Variants in ACSM2A observed in about 807,000 individuals in gnomAD.
ACSM2A encodes the protein acyl-coenzyme A synthetase ACSM2A, mitochondrial.
In ACSM2A, 72 loss-of-function variants were observed where a neutral mutation model predicts 76.6. The ratio of observed to expected loss-of-function variants is 0.94; its 90% CI spans 0.78 to 1.14. The LOEUF (loss-of-function observed/expected upper bound fraction) is 1.14. ACSM2A is among the 50% of genes most tolerant of loss of function. The pLI, the probability that ACSM2A is intolerant of heterozygous loss-of-function variation, is 0.00. For missense variants in ACSM2A, 684 were observed against 708.5 expected, an observed-to-expected ratio of 0.97 and a Z score of 0.39; for synonymous variants, 249 against 255.9, an observed-to-expected ratio of 0.97 and a Z score of 0.26.
rs763530400 is a variant in ACSM2A at position 20,475,767 on chromosome 16, A to G, written c.1092A>G (p.Thr364=). 49 of 1,613,976 alleles carry G rather than the reference A, an allele frequency of 3.0e-5. No individual in the cohort carries two copies. The highest frequency in any genetic ancestry group is 2.7e-4 in the South Asian group (25 of 91,066). Reference sequence around the variant, plus strand: ...ACATCCGAGAATCCTATGGCCAGACAGAAACGGTACCTGTTCCCAGGGGAA... The same window carrying G: ...ACATCCGAGAATCCTATGGCCAGACGGAAACGGTACCTGTTCCCAGGGGAA... The part of the protein sequence containing the change: ...GLDIRESYGQ[T]ETGLTCMVSK... Residue 364 remains threonine, a synonymous_variant, in exon 8 of 14, where the codon ACA becomes ACG. Transcript: ENST00000573854.
rs2013712006 is a variant in ACSM2A at position 20,475,892 on chromosome 16, G to T, written c.1098+119G>T. On this transcript the variant is annotated intron_variant, in intron 8 of 13. Transcript: ENST00000573854. The stretch of plus-strand genomic sequence containing the variant: ...CATCTATTCGAGAAGTATTTATTGA[G>T]CCTCTATGAAGGGACAGGTACTGAG... 62 of 1,541,182 alleles carry T rather than the reference G, an allele frequency of 4.0e-5. No homozygotes were observed. The South Asian group carries it at 7.4e-4, about 18-fold the overall frequency.
At chr16:20,467,495 G>A (rs1311608789) in intron 3 of ACSM2A, among the ~76,000 whole-genome samples, 1 of 152,180 alleles carries the variant, frequency 6.6e-6, no homozygotes, top group Non-Finnish European at 1.5e-5. Context: ...GAGGTGAAGC[G>A]ATGGTGATGG....
intron 3 of ACSM2A, 50 bp downstream of exon 3, chr16:20,465,777 C>T (rs766507974): frequency 6.3e-7 from 1 of 1,589,488 alleles, no homozygotes; most frequent in South Asian, 1.1e-5. Context: ...GTGAAGAAAA[C>T]TGATAGCAGA....
At chr16:20,473,755 T>C (rs1505101) in intron 6 of ACSM2A, among the ~76,000 whole-genome samples, 57,263 of 151,720 alleles carry the variant, frequency 0.38, 12,162 homozygotes, top group East Asian at 0.79. Context: ...CAGGCCATGA[T>C]AGGAAGTGGG....
chr16:20,457,316 A>C (rs1205663326), intron 1 of ACSM2A, among the ~76,000 whole-genome samples: 4 of 152,108 alleles, frequency 2.6e-5, no homozygotes, highest in Non-Finnish European at 5.9e-5. Context: ...TCATTCTATG[A>C]AGCCAGTATT....
At chr16:20,469,872 ATTTTTTTTTTTT>A (rs35674523) in intron 4 of ACSM2A, among the ~76,000 whole-genome samples, 153 bp downstream of exon 4, 2 of 67,746 alleles carry the variant, frequency 3.0e-5, no homozygotes, top group Non-Finnish European at 5.4e-5. Context: ...ACACAAGGGT[ATTTTTTTTTTTT>A]TTTTTTTTTT....
Position 20,468,237 on chromosome 16 carries a change from T to G in ACSM2A, c.389-1275T>G, listed in dbSNP as rs144420743. 2.7e-3 allele frequency among the ~76,000 whole-genome samples: 409 copies of G among 152,278 alleles called. 1 individual carries two copies. Among genetic ancestry groups the G allele is most frequent in the Non-Finnish European group, 4.2e-3 (286 of 68,024 alleles). ...AGAAACATTTGAGGATATTTACAGG[T>G]ATGCAGTGAGAATCCCAAAGTGTTG... On this transcript the variant is annotated intron_variant, in intron 3 of 13. Coordinates refer to ENST00000573854, the MANE Select transcript of ACSM2A (RefSeq NM_001308172.2).
Position 20,483,182 on chromosome 16 carries a change from G to A in ACSM2A, c.1629+5G>A. On this transcript the variant is annotated splice_donor_5th_base_variant and intron_variant, in intron 13 of 13. Coordinates refer to ENST00000573854, the MANE Select transcript of ACSM2A (RefSeq NM_001308172.2). ...CCATACAAGTACCCAAGAAAGGTAA[G>A]GCCTTTGAGCTCCCAAGTCACTCAA... 6.2e-7 allele frequency: 1 copy of A among 1,613,560 alleles called. No homozygotes were observed. The highest frequency in any genetic ancestry group is 8.5e-7 in the Non-Finnish European group (1 of 1,179,670).
intron 6 of ACSM2A, among the ~76,000 whole-genome samples, 197 bp downstream of exon 6, chr16:20,471,886 A>G (rs1160713643): frequency 3.3e-5 from 5 of 152,166 alleles, no homozygotes; most frequent in African/African-American, 9.7e-5. Flanking sequence ...AGGCACATAT[A>G]TAGATAAAAG....
intron 2 of ACSM2A, among the ~76,000 whole-genome samples, chr16:20,461,703 C>T (rs551159543): frequency 1.2e-4 from 18 of 152,130 alleles, no homozygotes; most frequent in Non-Finnish European, 2.2e-4. Context: ...ATAAAAATTT[C>T]TCACCCTCCC....
intron 2 of ACSM2A, 91 bp from the exon 3 acceptor site, chr16:20,465,426 A>G: frequency 2.0e-6 from 3 of 1,512,256 alleles, no homozygotes; most frequent in Non-Finnish European, 2.7e-6. Context: ...AAACCTTACT[A>G]AGCACCAACT....
Position 20,486,595 on chromosome 16 carries a change from C to A in ACSM2A, c.1651C>A (p.Pro551Thr). ...ACAGATAGAGTTTGTCTTGAACCTG[C>A]CCAAGACTGTCACAGGGAAAATTCA... ...PRKIEFVLNL[P>T]KTVTGKIQRA... The change falls in exon 14 of 14, where the codon CCC (proline) becomes ACC (threonine). Residue 551 changes from proline to threonine, a missense_variant. Transcript: ENST00000573854. The A allele has an allele frequency of 6.2e-7, 1 of 1,614,118 alleles. No homozygotes were observed. The highest frequency in any genetic ancestry group is 8.5e-7 in the Non-Finnish European group (1 of 1,180,002).
intron 4 of ACSM2A, among the ~76,000 whole-genome samples, chr16:20,470,296 G>A (rs1338734212): frequency 2.6e-5 from 4 of 152,244 alleles, no homozygotes; most frequent in Middle Eastern, 3.4e-3. Flanking sequence ...CCAAGTTTCT[G>A]GGCTCTTCTT....
chr16:20,466,634 G>T (rs2013015889), intron 3 of ACSM2A, among the ~76,000 whole-genome samples: 1 of 152,242 alleles, frequency 6.6e-6, no homozygotes, highest in South Asian at 2.1e-4. Flanking sequence ...TTTGGCTGGG[G>T]ATGAAAACAT....
At chr16:20,474,072 A>G in intron 6 of ACSM2A, 2 of 449,376 alleles carry the variant, frequency 4.5e-6, no homozygotes, top group Non-Finnish European at 8.9e-6. Context: ...GTATTTTTTA[A>G]ATGTGTTTGA....
rs1195112781 is a variant in ACSM2A, at chr16:20,475,738, C to A, written c.1063C>A (p.Leu355Met). Residue 355 changes from leucine (L) to methionine (M), a missense_variant, in exon 8 of 14, where the codon CTG (leucine) becomes ATG (methionine). This residue lies in a region of ACSM2A where 519 missense variants were observed against 549.5 expected (regional missense o/e 0.94). Transcript: ENST00000573854. ...GGAGAACTGGAGGGCCCAGACAGGA[C>A]TGGACATCCGAGAATCCTATGGCCA... ...TLENWRAQTG[L>M]DIRESYGQTE... The A allele has an allele frequency of 3.7e-6, 6 of 1,614,036 alleles. No individual in the cohort carries two copies. The highest frequency in any genetic ancestry group is 3.3e-5 in the Admixed American group (2 of 60,016).
Position 20,483,108 on chromosome 16 carries a change from A to G in ACSM2A, c.1560A>G (p.Pro520=). 6.2e-7 allele frequency: 1 copy of G among 1,614,132 alleles called. No individual in the cohort carries two copies. The highest frequency in any genetic ancestry group is 1.1e-5 in the South Asian group (1 of 91,080). Reference sequence around the variant, plus strand: ...CCTCGCAGTTCCTGTCCCATGACCCAGAACAGCTCACCAAGGAGCTGCAGC... The same window carrying G: ...CCTCGCAGTTCCTGTCCCATGACCCGGAACAGCTCACCAAGGAGCTGCAGC... ...VLASQFLSHD[P]EQLTKELQQH... The change falls in exon 13 of 14, where the codon CCA becomes CCG. Residue 520 remains proline (P), a synonymous_variant. Transcript: ENST00000573854.
At chr16:20,475,061 G>A (rs1197487475) in intron 6 of ACSM2A, among the ~76,000 whole-genome samples, 1 of 152,268 alleles carries the variant, frequency 6.6e-6, no homozygotes, top group Middle Eastern at 3.4e-3. Flanking sequence ...ACTCCTAGGG[G>A]TGTGTTAACG....
At chr16:20,461,616 G>T (rs1378283307) in intron 2 of ACSM2A, among the ~76,000 whole-genome samples, 1 of 151,958 alleles carries the variant, frequency 6.6e-6, no homozygotes, top group African/African-American at 2.4e-5. Context: ...GAATAAAAAG[G>T]TGCAACTCAT....
Sources: allele counts gnomAD v4.1 joint callset (sites outside exome capture counted in the v4.1 genomes callset), GRCh38; gene constraint gnomAD v4.1.1; regional missense constraint gnomAD v4.1.1; transcripts MANE v1.5; gene names NCBI Gene and HGNC (gene_info 2026-07-23, HGNC 2026-07-21).